Variants in NCAM1 observed in about 807,000 individuals in gnomAD.
The protein encoded by NCAM1 is neural cell adhesion molecule 1.
In NCAM1, 14 loss-of-function variants were observed where a neutral mutation model predicts 109.8. The ratio of observed to expected loss-of-function variants is 0.13; its 90% CI spans 0.08 to 0.20. The LOEUF (loss-of-function observed/expected upper bound fraction) is 0.20. Ranked by LOEUF, NCAM1 falls within the 10% of genes least tolerant of loss-of-function variation. NCAM1 has a pLI of 1.00. For synonymous variants in NCAM1, 418 were observed against 442.9 expected, an observed-to-expected ratio of 0.94 and a Z score of 0.70; for missense variants, 774 against 1,109.9, an observed-to-expected ratio of 0.70 and a Z score of 4.30.
chr11:113,177,125 T>C (rs1388844520), intron 1 of NCAM1, among the ~76,000 whole-genome samples: 1 of 152,210 alleles, frequency 6.6e-6, no homozygotes, highest in Admixed American at 6.5e-5. Flanking sequence ...TGGGATGTGT[T>C]TTTTCTGGCT....
chr11:113,256,280 CA>C (rs1357163023), intron 16 of NCAM1, among the ~76,000 whole-genome samples: 2 of 152,166 alleles, frequency 1.3e-5, no homozygotes, highest in African/African-American at 4.8e-5. Flanking sequence ...AACTTTTCTA[CA>C]AAGTTATTTT....
chr11:113,101,241 C>A (rs1555091461), intron 1 of NCAM1, among the ~76,000 whole-genome samples: 1 of 152,118 alleles, frequency 6.6e-6, no homozygotes, highest in Non-Finnish European at 1.5e-5. Context: ...CCTAGAGTTC[C>A]TATGGCCTCC....
intron 1 of NCAM1, among the ~76,000 whole-genome samples, chr11:113,081,931 T>C (rs1271602654): frequency 6.6e-6 from 1 of 152,244 alleles, no homozygotes; most frequent in East Asian, 1.9e-4. Flanking sequence ...TATTTGCAGT[T>C]ATACTCAACT....
At chr11:113,210,231 C>G (rs1188957083) in intron 7 of NCAM1, among the ~76,000 whole-genome samples, 1 of 152,090 alleles carries the variant, frequency 6.6e-6, no homozygotes, top group Non-Finnish European at 1.5e-5. Context: ...AGCAGAACAC[C>G]TATAATGTGC....
intron 1 of NCAM1, among the ~76,000 whole-genome samples, chr11:113,039,036 C>T (rs542076989): frequency 1.3e-5 from 2 of 152,094 alleles, no homozygotes; most frequent in African/African-American, 4.8e-5. Context: ...CATAGATTTA[C>T]ATGGAAAAAA....
intron 1 of NCAM1, among the ~76,000 whole-genome samples, chr11:113,076,013 A>C (rs1282163885): frequency 6.6e-6 from 1 of 152,220 alleles, no homozygotes; most frequent in East Asian, 1.9e-4. Context: ...AAATGCCTAA[A>C]ACCATCAATG....
chr11:113,055,495 A>G (rs1472172989), intron 1 of NCAM1, among the ~76,000 whole-genome samples: 1 of 152,228 alleles, frequency 6.6e-6, no homozygotes, highest in African/African-American at 2.4e-5. Context: ...AGATAAAAAG[A>G]TTAAGATTGT....
intron 15 of NCAM1, among the ~76,000 whole-genome samples, chr11:113,248,620 C>T (rs1389437421): frequency 6.6e-6 from 1 of 152,076 alleles, no homozygotes; most frequent in East Asian, 1.9e-4. Flanking sequence ...ATCTGATGTT[C>T]CCTGTCCACC....
chr11:113,142,490 C>G lies in NCAM1; in HGVS notation c.53-59889C>G, dbSNP rs78628802. Reference sequence around the variant, plus strand: ...TGTAATATGCTAGCCTCCCTCTTCTCTTTGCCACACTGCCTAGGGGACAGG... The same window carrying G: ...TGTAATATGCTAGCCTCCCTCTTCTGTTTGCCACACTGCCTAGGGGACAGG... On this transcript the variant is annotated intron_variant, in intron 1 of 19. Transcript: ENST00000316851. 4.1e-3 allele frequency among the ~76,000 whole-genome samples: 632 copies of G among 152,308 alleles called. 3 individuals carry two copies. Among genetic ancestry groups the G allele is most frequent in the African/African-American group, 0.014 (600 of 41,560 alleles).
At chr11:113,216,923 G>A (rs781822825) in intron 8 of NCAM1, among the ~76,000 whole-genome samples, 6 of 152,078 alleles carry the variant, frequency 3.9e-5, no homozygotes, top group Non-Finnish European at 7.4e-5. Context: ...CTTTTACTTT[G>A]GCAGCCTCTC....
intron 1 of NCAM1, among the ~76,000 whole-genome samples, chr11:113,039,127 G>A (rs1349500159): frequency 1.3e-5 from 2 of 152,254 alleles, no homozygotes; most frequent in East Asian, 3.9e-4. Context: ...GTTAAGTGAG[G>A]TCAATGTTAA....
chr11:113,256,074 G>A, intron 16 of NCAM1, 73 bp downstream of exon 16: 1 of 1,537,536 alleles, frequency 6.5e-7, no homozygotes, highest in South Asian at 1.2e-5. Context: ...GAAACAACAG[G>A]GGCAGCCCAC....
At chr11:112,975,701 G>A (rs1354522322) in intron 1 of NCAM1, among the ~76,000 whole-genome samples, 2 of 151,904 alleles carry the variant, frequency 1.3e-5, no homozygotes, top group African/African-American at 4.8e-5. Flanking sequence ...TCAGTTAACT[G>A]CCCTAGGTTA....
chr11:112,993,884 T>C (rs1951528644), intron 1 of NCAM1, among the ~76,000 whole-genome samples: 1 of 152,184 alleles, frequency 6.6e-6, no homozygotes, highest in South Asian at 2.1e-4. Flanking sequence ...TTTTAGTGTC[T>C]GCACTCTCTG....
chr11:113,231,838 G>C lies in NCAM1; in HGVS notation c.1240+43G>C, dbSNP rs781911556. The C allele has an allele frequency of 4.3e-6, 7 of 1,610,894 alleles. No individual in the cohort carries two copies. In the Admixed American group the frequency reaches 1.2e-4, roughly 27 times the overall value. On this transcript the variant is annotated intron_variant, in intron 10 of 19. Transcript: ENST00000316851. ...AAGGACCTGGGGGAGGGAGGGGCAAGGCAGGGTCAGGATGAGAGAGGAAAA... is the reference window on the plus strand; with the variant it reads ...AAGGACCTGGGGGAGGGAGGGGCAACGCAGGGTCAGGATGAGAGAGGAAAA...
At chr11:113,118,271 C>G (rs148042991) in intron 1 of NCAM1, among the ~76,000 whole-genome samples, 1 of 151,978 alleles carries the variant, frequency 6.6e-6, no homozygotes, top group East Asian at 1.9e-4. Context: ...TCAGCTGTGT[C>G]TGTCTTGGAG....
At position 113,264,593 on chromosome 11, in the gene NCAM1, A is replaced by G. The variant is rs656645; in HGVS notation, c.2131+4270A>G. 2,128 of 985,554 alleles carry G rather than the reference A, an allele frequency of 2.2e-3. 32 individuals are homozygous for G. The African/African-American group carries it at 0.034, about 16-fold the overall frequency. The allele number at this position is 985,554 out of a possible 1,614,324, so 61.1% of individuals were successfully genotyped here. The stretch of plus-strand genomic sequence containing the variant: ...GGCTCTTAGGATCACCTTGGGCAGA[A>G]GTCACACGGCTTCATCCTAGGAGGG... On this transcript the variant is annotated intron_variant, in intron 17 of 19. Transcript: ENST00000316851.
intron 1 of NCAM1, among the ~76,000 whole-genome samples, chr11:113,174,981 A>G (rs1209869662): frequency 6.6e-6 from 1 of 152,344 alleles, no homozygotes; most frequent in South Asian, 2.1e-4. Flanking sequence ...GAATTTGTAC[A>G]CCAGCTAGGA....
intron 1 of NCAM1, among the ~76,000 whole-genome samples, chr11:113,184,371 A>G (rs990614997): frequency 6.6e-6 from 1 of 152,236 alleles, no homozygotes; most frequent in African/African-American, 2.4e-5. Context: ...AGAGGCAGGT[A>G]GTTCCTTATA....
Sources: gnomAD v4.1 joint callset for allele counts (sites outside exome capture counted in the v4.1 genomes callset) on GRCh38, gnomAD v4.1.1 for gene constraint, MANE v1.5 for transcripts, NCBI Gene and HGNC (gene_info 2026-07-23, HGNC 2026-07-21) for gene names.